The following ALOX5 variants were observed in gnomAD, a reference collection of about 807,000 sequenced individuals.
ALOX5 encodes polyunsaturated fatty acid 5-lipoxygenase.
In ALOX5, 64 loss-of-function variants were observed where a neutral mutation model predicts 87.9. That is an observed-to-expected ratio of 0.73 (90% CI 0.60 to 0.90). The LOEUF is 0.90. Ranked by LOEUF, ALOX5 falls within the 40% of genes least tolerant of loss-of-function variation. The pLI, the probability that ALOX5 is intolerant of heterozygous loss-of-function variation, is 0.00. For missense variants in ALOX5, 822 were observed against 907.5 expected, an observed-to-expected ratio of 0.91 and a Z score of 1.21; for synonymous variants, 388 against 355.1, an observed-to-expected ratio of 1.09 and a Z score of -1.04.
At chr10:45,395,966 C>T (rs540656766) in intron 3 of ALOX5, 30 bp downstream of exon 3, 60 of 1,600,228 alleles carry the variant, frequency 3.7e-5, no homozygotes, top group South Asian at 3.4e-4. Context: ...CGAGTGGCCA[C>T]GGGGCCATGG....
At chr10:45,422,856 G>C (rs934809355) in intron 4 of ALOX5, among the ~76,000 whole-genome samples, 2 of 152,184 alleles carry the variant, frequency 1.3e-5, no homozygotes, top group Non-Finnish European at 2.9e-5. Context: ...CAAGATTAGG[G>C]TGCCAGCCAA....
At chr10:45,421,645 G>T (rs1301043659) in intron 4 of ALOX5, among the ~76,000 whole-genome samples, 1 of 152,222 alleles carries the variant, frequency 6.6e-6, no homozygotes, top group African/African-American at 2.4e-5. Context: ...GGGTATTCCA[G>T]TGCCTGGCTG....
In ALOX5 at chr10:45,395,926, AAAC is replaced by A; in HGVS notation, c.424_426del (p.Gln142del). The stretch of plus-strand genomic sequence containing the variant: ...ACGTAAAGAACTGGAAACACGGCAA[AAAC>A]AATATCGGTGAGTTATGACATCAGA... On this transcript the variant is annotated inframe_deletion, in exon 3 of 14. Transcript: ENST00000374391. The A allele has an allele frequency of 6.2e-7, 1 of 1,614,254 alleles. No individual in the cohort carries two copies. Among genetic ancestry groups the A allele is most frequent in the Non-Finnish European group, 8.5e-7 (1 of 1,180,040 alleles).
intron 1 of ALOX5, among the ~76,000 whole-genome samples, chr10:45,375,718 T>G (rs1374989652): frequency 6.6e-6 from 1 of 152,212 alleles, no homozygotes; most frequent in African/African-American, 2.4e-5. Flanking sequence ...GCCCATACCC[T>G]CGCTGTAGCA....
At chr10:45,391,798 G>A (rs550275712) in intron 2 of ALOX5, among the ~76,000 whole-genome samples, 38 of 152,054 alleles carry the variant, frequency 2.5e-4, no homozygotes, top group African/African-American at 7.5e-4. Flanking sequence ...TGTCTGAGAA[G>A]TGAGGAGACC....
chr10:45,404,694 C>T (rs912518725), intron 3 of ALOX5, among the ~76,000 whole-genome samples: 3 of 152,222 alleles, frequency 2.0e-5, no homozygotes, highest in African/African-American at 7.2e-5. Flanking sequence ...GGCAGGCGGG[C>T]TGTCTTTAAT....
chr10:45,422,784 C>T (rs1339169880), intron 4 of ALOX5, among the ~76,000 whole-genome samples: 2 of 152,224 alleles, frequency 1.3e-5, no homozygotes, highest in East Asian at 1.9e-4. Context: ...CATCAAAATA[C>T]CACAGACCAG....
intron 3 of ALOX5, among the ~76,000 whole-genome samples, chr10:45,397,242 T>TG (rs1206824720): frequency 6.6e-6 from 1 of 152,168 alleles, no homozygotes; most frequent in African/African-American, 2.4e-5. Context: ...TAGCTGTGTG[T>TG]GGTGGCATGC....
chr10:45,427,258 G>A (rs984565160), intron 6 of ALOX5, among the ~76,000 whole-genome samples: 9 of 152,322 alleles, frequency 5.9e-5, no homozygotes, highest in Non-Finnish European at 8.8e-5. Context: ...GGTAGAGTCT[G>A]ATGGTCACTT....
chr10:45,393,744 A>C (rs565639840), intron 2 of ALOX5, among the ~76,000 whole-genome samples: 1 of 152,374 alleles, frequency 6.6e-6, no homozygotes, highest in South Asian at 2.1e-4. Flanking sequence ...GCTGATAGGC[A>C]ACTTCAGCAA....
In ALOX5 at chr10:45,440,508, T is replaced by G. The variant is rs1200971672; in HGVS notation, c.1060T>G (p.Trp354Gly). 1 of 1,614,136 alleles carries G rather than the reference T, an allele frequency of 6.2e-7. No individual in the cohort carries two copies. Among genetic ancestry groups the G allele is most frequent in the Non-Finnish European group, 8.5e-7 (1 of 1,180,050 alleles). The change falls in exon 8 of 14, where the codon TGG (tryptophan) becomes GGG (glycine). Residue 354 changes from tryptophan to glycine, a missense_variant. By Grantham distance (184) the Trp-to-Gly change is radical (BLOSUM62 -2). Transcript: ENST00000374391. ...AKYDWLLAKI[W>G]VRSSDFHVHQ... ...ATACGACTGGCTTTTGGCCAAAATC[T>G]GGGTGCGTTCCAGTGACTTCCACGT...
chr10:45,436,492 A>G (rs1284080490), intron 7 of ALOX5, among the ~76,000 whole-genome samples: 4 of 152,168 alleles, frequency 2.6e-5, no homozygotes, highest in Non-Finnish European at 5.9e-5. Context: ...TTCCAACACT[A>G]TTTATTGAAT....
At chr10:45,424,586 G>A (rs995452048) in intron 5 of ALOX5, among the ~76,000 whole-genome samples, 1 of 152,212 alleles carries the variant, frequency 6.6e-6, no homozygotes, top group Non-Finnish European at 1.5e-5. Flanking sequence ...TGGGAAGGAC[G>A]TTAGGAAGGC....
At chr10:45,427,882 C>T (rs1841778358) in intron 6 of ALOX5, among the ~76,000 whole-genome samples, 1 of 152,142 alleles carries the variant, frequency 6.6e-6, no homozygotes, top group Non-Finnish European at 1.5e-5. Context: ...CACGGATCCG[C>T]GGGTCAGCAA....
At chr10:45,445,167 C>T (rs955244012) in intron 13 of ALOX5, among the ~76,000 whole-genome samples, 2 of 152,186 alleles carry the variant, frequency 1.3e-5, no homozygotes, top group African/African-American at 2.4e-5. Context: ...GAGAGTGCTG[C>T]GCAGGGGTGG....
At chr10:45,419,163 C>T (rs1238634614) in intron 4 of ALOX5, among the ~76,000 whole-genome samples, 1 of 152,216 alleles carries the variant, frequency 6.6e-6, no homozygotes, top group African/African-American at 2.4e-5. Context: ...AACTGGGAGC[C>T]GTGACTGTCA....
At chr10:45,410,568 C>T (rs764415080) in intron 3 of ALOX5, among the ~76,000 whole-genome samples, 2 of 152,172 alleles carry the variant, frequency 1.3e-5, no homozygotes, top group Non-Finnish European at 2.9e-5. Flanking sequence ...GACACTGTGA[C>T]AGTTGGGATT....
intron 1 of ALOX5, among the ~76,000 whole-genome samples, chr10:45,379,726 T>C (rs1051674011): frequency 6.6e-6 from 1 of 152,138 alleles, no homozygotes; most frequent in Admixed American, 6.5e-5. Flanking sequence ...CCCAGGATGG[T>C]GTCATTTCAT....
Position 45,443,800 on chromosome 10 carries a change from C to G in ALOX5, c.1646C>G (p.Ala549Gly), listed in dbSNP as rs113388968. 1 of 1,610,480 alleles carries G rather than the reference C, an allele frequency of 6.2e-7. No homozygotes were observed. The highest frequency in any genetic ancestry group is 1.3e-5 in the African/African-American group (1 of 74,814). ...YLTVVIFTAS[A>G]QHAAVNFGQY... ...ACCGTGGTGATCTTCACCGCCTCCG[C>G]CCAGCACGCCGCGGTCAACTTCGGC... Residue 549 changes from alanine to glycine, a missense_variant, in exon 12 of 14, where the codon GCC (alanine) becomes GGC (glycine). Coordinates refer to ENST00000374391, the MANE Select transcript of ALOX5 (RefSeq NM_000698.5).
Sources: gnomAD v4.1 joint callset for allele counts (sites outside exome capture counted in the v4.1 genomes callset) on GRCh38, gnomAD v4.1.1 for gene constraint, MANE v1.5 for transcripts, NCBI Gene and HGNC (gene_info 2026-07-23, HGNC 2026-07-21) for gene names.